LRRTM4: variants seen among roughly 807,000 people sequenced by gnomAD.
The protein encoded by LRRTM4 is leucine rich repeat transmembrane neuronal 4.
Under a neutral mutation model 47.6 loss-of-function variants are expected in LRRTM4, and 25 were observed. The observed-to-expected ratio is 0.53, with a 90% CI of 0.38 to 0.73. LRRTM4 has a LOEUF of 0.73. LRRTM4 is among the 30% of genes least tolerant of loss of function. LRRTM4 has a pLI of 0.00. For missense variants in LRRTM4, 638 were observed against 713.4 expected (o/e 0.89, Z 1.20); for synonymous variants, 311 against 269.5 (o/e 1.15, Z -1.51).
chr2:77,322,233 T>C (rs12053078), intron 3 of LRRTM4, among the ~76,000 whole-genome samples: 9,612 of 152,112 alleles, frequency 0.063, 462 homozygotes, highest in East Asian at 0.15. Flanking sequence ...GGGAGATGGG[T>C]AGATGAGGAA....
chr2:76,896,859 AAGAT>A (rs1673433537), intron 3 of LRRTM4, among the ~76,000 whole-genome samples: 1 of 148,708 alleles, frequency 6.7e-6, no homozygotes, highest in Non-Finnish European at 1.5e-5. Flanking sequence ...ATACATCTAA[AAGAT>A]AGAGTTAAAT....
At chr2:77,518,149 T>C in intron 3 of LRRTM4, 169 bp downstream of exon 3, 1 of 1,261,822 alleles carries the variant, frequency 7.9e-7, no homozygotes, top group East Asian at 3.0e-5. Context: ...AAAAAAGCAG[T>C]CAATTTCCTG....
chr2:76,899,379 AATAGTGCATAAAT>A (rs1558723143), intron 3 of LRRTM4, among the ~76,000 whole-genome samples: 1 of 151,498 alleles, frequency 6.6e-6, no homozygotes, highest in African/African-American at 2.4e-5. Context: ...TATATTTTAT[AATAGTGCATAAAT>A]ACTATTGAGA....
In LRRTM4 at chr2:77,034,116, T is replaced by C. The variant is rs193235039; in HGVS notation, c.1552-285200A>G. ...AATCTTAAAATAGCATATAATAAGA[T>C]TTTTAAAGTAAAGATTTCAAAGCAT... On this transcript the variant is annotated intron_variant, in intron 3 of 3. Transcript: ENST00000409884. Among the ~76,000 whole-genome samples the C allele has an allele frequency of 7.9e-5, 12 of 151,758 alleles. 1 individual carries two copies. The East Asian group carries it at 2.3e-3, about 29-fold the overall frequency.
chr2:76,880,711 G>C (rs1024189560), intron 3 of LRRTM4, among the ~76,000 whole-genome samples: 3 of 152,110 alleles, frequency 2.0e-5, no homozygotes, highest in Non-Finnish European at 4.4e-5. Context: ...CTAGGCCCTG[G>C]ATTCTGGTAC....
intron 3 of LRRTM4, among the ~76,000 whole-genome samples, chr2:77,029,508 T>C (rs1678578417): frequency 1.3e-5 from 2 of 151,962 alleles, no homozygotes; most frequent in Admixed American, 1.3e-4. Context: ...GGCCAGAAAA[T>C]TCAGTTAAGT....
chr2:77,203,013 C>T (rs1239705202), intron 3 of LRRTM4, among the ~76,000 whole-genome samples: 1 of 151,856 alleles, frequency 6.6e-6, no homozygotes, highest in Non-Finnish European at 1.5e-5. Context: ...TTAAGACTAC[C>T]TACTGGTCTT....
At chr2:77,134,449 G>A (rs1465049714) in intron 3 of LRRTM4, among the ~76,000 whole-genome samples, 1 of 152,068 alleles carries the variant, frequency 6.6e-6, no homozygotes, top group African/African-American at 2.4e-5. Context: ...TTAGCAACAA[G>A]AAGTTCAGGA....
intron 3 of LRRTM4, among the ~76,000 whole-genome samples, chr2:77,416,123 G>A (rs536769435): frequency 1.3e-5 from 2 of 152,002 alleles, no homozygotes; most frequent in South Asian, 4.2e-4. Flanking sequence ...AATATGTTTT[G>A]CACTTTCCTT....
intron 3 of LRRTM4, among the ~76,000 whole-genome samples, chr2:77,213,651 T>C (rs1290966768): frequency 6.6e-6 from 1 of 152,164 alleles, no homozygotes; most frequent in Non-Finnish European, 1.5e-5. Context: ...TGAGCTATCT[T>C]TGCACAGTGG....
intron 3 of LRRTM4, among the ~76,000 whole-genome samples, chr2:77,232,702 C>T (rs1420689982): frequency 2.0e-5 from 3 of 152,110 alleles, no homozygotes; most frequent in Non-Finnish European, 4.4e-5. Flanking sequence ...ATAAAGAGCA[C>T]TATGAACGTA....
chr2:77,485,037 G>C (rs1264500820), intron 3 of LRRTM4, among the ~76,000 whole-genome samples: 1 of 151,908 alleles, frequency 6.6e-6, no homozygotes, highest in Non-Finnish European at 1.5e-5. Flanking sequence ...TTCCACAACT[G>C]GTTTCTCTTC....
intron 3 of LRRTM4, among the ~76,000 whole-genome samples, chr2:77,231,029 C>A (rs1231987651): frequency 6.6e-6 from 1 of 151,972 alleles, no homozygotes; most frequent in African/African-American, 2.4e-5. Context: ...AAGTATTTTC[C>A]AAATATTGAA....
chr2:77,039,706 C>T (rs986380868), intron 3 of LRRTM4, among the ~76,000 whole-genome samples: 1 of 151,106 alleles, frequency 6.6e-6, no homozygotes, highest in African/African-American at 2.4e-5. Flanking sequence ...TAGATCCTTA[C>T]ATTAGAATGT....
At chr2:77,328,700 T>A (rs896656010) in intron 3 of LRRTM4, among the ~76,000 whole-genome samples, 1 of 152,164 alleles carries the variant, frequency 6.6e-6, no homozygotes, top group African/African-American at 2.4e-5. Flanking sequence ...GGTTTACAAG[T>A]GCTGTCGTTG....
At chr2:77,176,846 G>A (rs1398875882) in intron 3 of LRRTM4, among the ~76,000 whole-genome samples, 1 of 152,136 alleles carries the variant, frequency 6.6e-6, no homozygotes, top group Non-Finnish European at 1.5e-5. Flanking sequence ...AGGTGAAGAA[G>A]CCAGTCAAAA....
chr2:77,073,117 A>G (rs1424647992), intron 3 of LRRTM4, among the ~76,000 whole-genome samples: 1 of 151,964 alleles, frequency 6.6e-6, no homozygotes, highest in Non-Finnish European at 1.5e-5. Flanking sequence ...GGTGATTCAT[A>G]CACCTGCTAT....
At chr2:76,789,815 TTTTTCCATA>T (rs1442945354) in intron 3 of LRRTM4, among the ~76,000 whole-genome samples, 1 of 152,168 alleles carries the variant, frequency 6.6e-6, no homozygotes, top group Non-Finnish European at 1.5e-5. Flanking sequence ...ATTTTATTAT[TTTTTCCATA>T]TTTCCTGGGT....
chr2:77,239,193 GACA>G (rs1194559407), intron 3 of LRRTM4, among the ~76,000 whole-genome samples: 2 of 151,698 alleles, frequency 1.3e-5, no homozygotes, highest in African/African-American at 4.8e-5. Flanking sequence ...TTGTGTATAT[GACA>G]ACAATAGTGC....
Sources: allele counts gnomAD v4.1 joint callset (sites outside exome capture counted in the v4.1 genomes callset), GRCh38; gene constraint gnomAD v4.1.1; transcripts MANE v1.5; gene names NCBI Gene and HGNC (gene_info 2026-07-23, HGNC 2026-07-21).